CWH43: variants seen among roughly 807,000 people sequenced by gnomAD.
CWH43 encodes cell wall biogenesis 43 C-terminal homolog, also known as PGAP2-interacting protein.
A neutral mutation model predicts 85.7 loss-of-function variants in CWH43; 91 were observed. The ratio of observed to expected loss-of-function variants is 1.06; its 90% CI spans 0.90 to 1.26. CWH43 has a LOEUF of 1.26. CWH43 is among the 50% of genes most tolerant of loss of function. The pLI, the probability that CWH43 is intolerant of heterozygous loss-of-function variation, is 0.00. For missense variants in CWH43, 869 were observed against 839.2 expected (o/e 1.04, Z -0.44); for synonymous variants, 323 against 293.6 (o/e 1.10, Z -1.02).
intron 4 of CWH43, among the ~76,000 whole-genome samples, chr4:48,993,300 A>G (rs1249759074): frequency 1.3e-5 from 2 of 152,150 alleles, no homozygotes; most frequent in African/African-American, 4.8e-5. Context: ...CAGCAAATTC[A>G]GTTTAGATGG....
chr4:49,007,381 A>C (rs1783194404), intron 8 of CWH43, 55 bp downstream of exon 8: 1 of 1,447,702 alleles, frequency 6.9e-7, no homozygotes, highest in Non-Finnish European at 9.1e-7. Context: ...TTCTAAACGT[A>C]TGAAATTAAA....
At chr4:49,036,190 G>A (rs189489890) in intron 12 of CWH43, among the ~76,000 whole-genome samples, 4 of 152,156 alleles carry the variant, frequency 2.6e-5, no homozygotes, top group African/African-American at 4.8e-5. Context: ...TTCTCCCAAC[G>A]TTTAATCTCC....
intron 9 of CWH43, among the ~76,000 whole-genome samples, chr4:49,025,382 C>A (rs1783878701): frequency 6.6e-6 from 1 of 151,926 alleles, no homozygotes; most frequent in Admixed American, 6.6e-5. Flanking sequence ...TGGTTTGGAT[C>A]CATTGCTGGT....
intron 9 of CWH43, among the ~76,000 whole-genome samples, chr4:49,022,584 C>T (rs932417148): frequency 1.3e-5 from 2 of 152,118 alleles, no homozygotes; most frequent in Non-Finnish European, 2.9e-5. Context: ...GAAAGGATCC[C>T]CTCTTTCTCT....
chr4:49,032,610 AC>A lies in CWH43; in HGVS notation c.1555del (p.Leu519PhefsTer15). 1.2e-6 allele frequency: 2 copies of A among 1,613,964 alleles called. No individual in the cohort carries two copies. Among genetic ancestry groups the A allele is most frequent in the Non-Finnish European group, 1.7e-6 (2 of 1,179,918 alleles). ...SRYPIVKSEH[H>X]LLPSPEGEIA... Reference sequence around the variant, plus strand: ...TACCCAATTGTGAAATCTGAGCATCACCTTCTTCCGTCACCAGAGGGCGAGA... The same window carrying A: ...TACCCAATTGTGAAATCTGAGCATCACTTCTTCCGTCACCAGAGGGCGAGA... On this transcript the variant is annotated frameshift_variant, in exon 12 of 16. Transcript: ENST00000226432. LOFTEE classifies it high-confidence loss of function.
chr4:49,034,606 A>G (rs146085360), intron 12 of CWH43, among the ~76,000 whole-genome samples: 1 of 152,338 alleles, frequency 6.6e-6, no homozygotes, highest in East Asian at 1.9e-4. Context: ...AGCAGTAACA[A>G]TAATAGTGAA....
At chr4:49,005,738 A>T (rs893671292) in intron 7 of CWH43, among the ~76,000 whole-genome samples, 4 of 151,664 alleles carry the variant, frequency 2.6e-5, no homozygotes, top group Non-Finnish European at 4.4e-5. Flanking sequence ...ATGGGGTCTC[A>T]CTTTGTTGCC....
intron 10 of CWH43, among the ~76,000 whole-genome samples, 158 bp downstream of exon 10, chr4:49,028,892 G>A (rs1031458297): frequency 3.9e-5 from 6 of 152,150 alleles, no homozygotes; most frequent in East Asian, 1.9e-4. Context: ...ACTTTGGCAC[G>A]CAGCTGCAGG....
chr4:49,018,979 C>A (rs1225917150), intron 9 of CWH43, among the ~76,000 whole-genome samples: 1 of 152,144 alleles, frequency 6.6e-6, no homozygotes, highest in Non-Finnish European at 1.5e-5. Flanking sequence ...AAAAGGATAC[C>A]TAATGTCATC....
At chr4:48,987,151 C>T (rs1225015375) in intron 1 of CWH43, among the ~76,000 whole-genome samples, 2 of 151,914 alleles carry the variant, frequency 1.3e-5, no homozygotes, top group Non-Finnish European at 1.5e-5. Context: ...AACAAAGATC[C>T]CTCTGGTCTG....
At chr4:49,020,978 G>A (rs1038587244) in intron 9 of CWH43, among the ~76,000 whole-genome samples, 20 of 151,982 alleles carry the variant, frequency 1.3e-4, no homozygotes, top group African/African-American at 4.8e-4. Context: ...TGTATAGATA[G>A]CAAAGATTTC....
At chr4:49,012,292 G>A (rs575569600) in intron 8 of CWH43, among the ~76,000 whole-genome samples, 3 of 152,214 alleles carry the variant, frequency 2.0e-5, no homozygotes, top group Middle Eastern at 3.4e-3. Context: ...CATGAATCAC[G>A]AAGTTCTTGT....
At chr4:48,999,259 TC>T (rs1782915820) in intron 6 of CWH43, among the ~76,000 whole-genome samples, 1 of 152,230 alleles carries the variant, frequency 6.6e-6, no homozygotes, top group South Asian at 2.1e-4. Context: ...ATGATCTCAT[TC>T]TTTTTTATGG....
chr4:49,051,217 G>A (rs1443131936), intron 15 of CWH43, among the ~76,000 whole-genome samples: 2 of 152,062 alleles, frequency 1.3e-5, no homozygotes, highest in African/African-American at 4.8e-5. Flanking sequence ...TTATTGGTTG[G>A]TCCTCTTATT....
chr4:49,018,433 A>G (rs1783631965), intron 9 of CWH43, among the ~76,000 whole-genome samples: 1 of 152,196 alleles, frequency 6.6e-6, no homozygotes, highest in Admixed American at 6.5e-5. Flanking sequence ...CTTGGTAGAT[A>G]TTGCTGAATA....
At chr4:49,032,839 C>T (rs1437731066) in intron 12 of CWH43, 124 bp downstream of exon 12, 4 of 1,206,560 alleles carry the variant, frequency 3.3e-6, no homozygotes, top group Non-Finnish European at 4.7e-6. Context: ...GTATTTCTCC[C>T]TGCGTTGCTG....
intron 4 of CWH43, among the ~76,000 whole-genome samples, 187 bp from the exon 5 acceptor site, chr4:48,994,432 T>C (rs1471389577): frequency 6.6e-6 from 1 of 152,236 alleles, no homozygotes; most frequent in African/African-American, 2.4e-5. Flanking sequence ...CTGCATGGAA[T>C]TATGTCTCCC....
intron 13 of CWH43, among the ~76,000 whole-genome samples, chr4:49,040,432 G>A (rs920174213): frequency 7.8e-4 from 118 of 152,118 alleles, no homozygotes; most frequent in African/African-American, 2.8e-3. Context: ...TTTAATGATA[G>A]CCATTCTAAC....
intron 15 of CWH43, among the ~76,000 whole-genome samples, chr4:49,055,675 C>T (rs1784928965): frequency 6.6e-6 from 1 of 151,768 alleles, no homozygotes; most frequent in African/African-American, 2.4e-5. Flanking sequence ...CTGCAACTTC[C>T]ACCTCCCAGG....
Sources: gnomAD v4.1 joint callset for allele counts (sites outside exome capture counted in the v4.1 genomes callset) on GRCh38, gnomAD v4.1.1 for gene constraint, MANE v1.5 for transcripts, NCBI Gene and HGNC (gene_info 2026-07-23, HGNC 2026-07-21) for gene names.